Variants in MMP26 observed in about 807,000 individuals in gnomAD.
MMP26 encodes matrix metalloproteinase-26.
A neutral mutation model predicts 31.0 loss-of-function variants in MMP26; 33 were observed. The ratio of observed to expected loss-of-function variants is 1.06; its 90% CI spans 0.81 to 1.42. The LOEUF (loss-of-function observed/expected upper bound fraction) is 1.42. MMP26 is among the 40% of genes most tolerant of loss of function. MMP26 has a pLI of 0.00. For synonymous variants in MMP26, 122 were observed against 114.9 expected (o/e 1.06, Z -0.40); for missense variants, 347 against 316.1 (o/e 1.10, Z -0.74).
At chr11:4,935,559 A>G (rs1439094018) in intron 2 of MMP26, among the ~76,000 whole-genome samples, 11 of 151,880 alleles carry the variant, frequency 7.2e-5, no homozygotes, top group African/African-American at 2.4e-4. Context: ...CTAATTGAAT[A>G]CCCTTTATTT....
At chr11:4,716,835 G>A (rs959013155) in intron 1 of MMP26, among the ~76,000 whole-genome samples, 1 of 151,566 alleles carries the variant, frequency 6.6e-6, no homozygotes, top group African/African-American at 2.4e-5. Flanking sequence ...CTAATGTTTT[G>A]TATTTTTAGT....
At chr11:4,924,197 A>C in intron 2 of MMP26, 4 of 1,614,230 alleles carry the variant, frequency 2.5e-6, no homozygotes, top group Non-Finnish European at 3.4e-6. Context: ...AATGACGTGG[A>C]GAATGGTGAG....
intron 2 of MMP26, among the ~76,000 whole-genome samples, chr11:4,956,073 C>T (rs191726416): frequency 6.6e-6 from 1 of 152,256 alleles, no homozygotes; most frequent in East Asian, 1.9e-4. Flanking sequence ...GAATGCTATA[C>T]TAATTCTTTC....
At chr11:4,853,887 T>A (rs1403608365) in intron 2 of MMP26, among the ~76,000 whole-genome samples, 1 of 152,176 alleles carries the variant, frequency 6.6e-6, no homozygotes, top group African/African-American at 2.4e-5. Flanking sequence ...AAATTCTTAA[T>A]ATTAGCAAAT....
chr11:4,987,972 G>A (rs1589825370), intron 2 of MMP26, 96 bp from the exon 3 acceptor site: 2 of 540,532 alleles, frequency 3.7e-6, no homozygotes, highest in Non-Finnish European at 3.3e-6. Flanking sequence ...CCTGTGGCCC[G>A]GGATGCTGAG....
intron 2 of MMP26, among the ~76,000 whole-genome samples, chr11:4,816,615 CA>C (rs200946968): frequency 1.1e-4 from 14 of 127,328 alleles, no homozygotes; most frequent in African/African-American, 3.9e-4. Flanking sequence ...TGGTCCAAAA[CA>C]AAAAAAAATT....
intron 2 of MMP26, among the ~76,000 whole-genome samples, chr11:4,869,381 A>C (rs1411535316): frequency 6.6e-6 from 1 of 152,214 alleles, no homozygotes; most frequent in Admixed American, 6.5e-5. Context: ...GAAAAAATAA[A>C]ACAGCCCCAT....
intron 2 of MMP26, among the ~76,000 whole-genome samples, chr11:4,972,176 G>T (rs1245221392): frequency 6.6e-6 from 1 of 152,186 alleles, no homozygotes. Flanking sequence ...ACCAGATATG[G>T]AGGGGAAGGG....
intron 2 of MMP26, among the ~76,000 whole-genome samples, chr11:4,850,649 T>C (rs1192546499): frequency 6.6e-6 from 1 of 151,978 alleles, no homozygotes; most frequent in East Asian, 1.9e-4. Flanking sequence ...AGGATAATGA[T>C]ATAGATACAA....
At chr11:4,731,203 T>A (rs540955277) in intron 1 of MMP26, among the ~76,000 whole-genome samples, 21 of 152,242 alleles carry the variant, frequency 1.4e-4, no homozygotes, top group African/African-American at 5.1e-4. Context: ...CCTCCCAAAG[T>A]GCTGAGATTA....
chr11:4,716,194 A>G (rs903448354), intron 1 of MMP26, among the ~76,000 whole-genome samples: 1 of 152,194 alleles, frequency 6.6e-6, no homozygotes, highest in Non-Finnish European at 1.5e-5. Context: ...TTCCTCTCCA[A>G]TTAAGAACAT....
chr11:4,709,867 T>A, intron 1 of MMP26: 1 of 457,032 alleles, frequency 2.2e-6, no homozygotes, highest in Non-Finnish European at 4.4e-6. Flanking sequence ...GATGCCTGCA[T>A]TGGCCAAATG....
At chr11:4,818,373 A>G (rs945509374) in intron 2 of MMP26, among the ~76,000 whole-genome samples, 3 of 149,802 alleles carry the variant, frequency 2.0e-5, no homozygotes, top group African/African-American at 7.3e-5. Context: ...GTCATCAAAC[A>G]TATTATCATA....
At chr11:4,725,895 C>A (rs1201109539) in intron 1 of MMP26, among the ~76,000 whole-genome samples, 1 of 152,214 alleles carries the variant, frequency 6.6e-6, no homozygotes, top group Non-Finnish European at 1.5e-5. Context: ...TCCTGTGGAC[C>A]AGAAGTACAC....
intron 1 of MMP26, among the ~76,000 whole-genome samples, chr11:4,751,727 T>G (rs1443097044): frequency 6.6e-6 from 1 of 152,142 alleles, no homozygotes; most frequent in Non-Finnish European, 1.5e-5. Context: ...TAAAATGTTC[T>G]TAGGGCTGGA....
At chr11:4,827,995 G>A (rs1256196031) in intron 2 of MMP26, among the ~76,000 whole-genome samples, 1 of 152,110 alleles carries the variant, frequency 6.6e-6, no homozygotes. Context: ...ATAGAAGGAT[G>A]TGCCATAAGG....
chr11:4,955,741 A>C (rs1269586022), intron 2 of MMP26: 2 of 1,572,798 alleles, frequency 1.3e-6, no homozygotes, highest in African/African-American at 2.7e-5. Context: ...CTGCTATGAA[A>C]AATACAGATA....
chr11:4,725,630 A>T (rs1303325200), intron 1 of MMP26, among the ~76,000 whole-genome samples: 3 of 152,210 alleles, frequency 2.0e-5, no homozygotes, highest in Admixed American at 6.5e-5. Context: ...AGACTTGTGA[A>T]GAGGACCACT....
chr11:4,813,261 T>A (rs1167171044), intron 2 of MMP26, among the ~76,000 whole-genome samples: 1 of 152,188 alleles, frequency 6.6e-6, no homozygotes, highest in Non-Finnish European at 1.5e-5. Context: ...TCTAGACACT[T>A]ACCCTAAAGA....
Sources: allele counts gnomAD v4.1 joint callset (sites outside exome capture counted in the v4.1 genomes callset), GRCh38; gene constraint gnomAD v4.1.1; transcripts MANE v1.5; gene names NCBI Gene and HGNC (gene_info 2026-07-23, HGNC 2026-07-21).